Variants in ANAPC10 observed in about 807,000 individuals in gnomAD.
ANAPC10 encodes the protein anaphase promoting complex subunit 10, also known as anaphase-promoting complex subunit 10.
Under a neutral mutation model 22.0 loss-of-function variants are expected in ANAPC10, and 12 were observed. That is an observed-to-expected ratio of 0.55 (90% CI 0.35 to 0.88). The LOEUF (loss-of-function observed/expected upper bound fraction) is 0.88. Among genes scored for constraint, ANAPC10 ranks in the 40% least tolerant of loss-of-function variants. The probability of loss-of-function intolerance (pLI) is 0.01; values close to 1 mark genes in which losing one functional copy is unlikely to be tolerated. For missense variants in ANAPC10, 188 were observed against 220.9 expected (o/e 0.85, Z 0.94); for synonymous variants, 65 against 69.5 (o/e 0.94, Z 0.32).
intron 4 of ANAPC10, among the ~76,000 whole-genome samples, chr4:145,029,522 G>T (rs1737235774): frequency 6.6e-6 from 1 of 152,126 alleles, no homozygotes; most frequent in Non-Finnish European, 1.5e-5. Context: ...GCATGGGAAT[G>T]GATATTAAAG....
chr4:145,006,652 T>A (rs1229801216), intron 4 of ANAPC10, among the ~76,000 whole-genome samples: 1 of 152,190 alleles, frequency 6.6e-6, no homozygotes, highest in Non-Finnish European at 1.5e-5. Context: ...TTTATTTCTG[T>A]ATAATTGTTA....
chr4:145,085,560 A>T (rs928435505), intron 2 of ANAPC10, among the ~76,000 whole-genome samples: 3 of 152,244 alleles, frequency 2.0e-5, no homozygotes, highest in Admixed American at 1.3e-4. Flanking sequence ...TGCAAAAAAA[A>T]AATTAAACAC....
intron 4 of ANAPC10, among the ~76,000 whole-genome samples, chr4:144,999,997 C>A (rs1000440165): frequency 6.6e-6 from 1 of 152,134 alleles, no homozygotes; most frequent in African/African-American, 2.4e-5. Context: ...ACTGGCTAGC[C>A]ATATGGAGAA....
At chr4:145,042,046 C>T (rs1413411641) in intron 4 of ANAPC10, among the ~76,000 whole-genome samples, 2 of 152,066 alleles carry the variant, frequency 1.3e-5, no homozygotes, top group African/African-American at 2.4e-5. Context: ...ATCACAACAT[C>T]CATTTTACCA....
At chr4:145,043,713 A>G (rs1329280405) in intron 4 of ANAPC10, among the ~76,000 whole-genome samples, 1 of 152,160 alleles carries the variant, frequency 6.6e-6, no homozygotes, top group African/African-American at 2.4e-5. Context: ...TCTTTTACAA[A>G]AAGAAAATGC....
At chr4:145,081,603 T>C (rs1746021385) in intron 3 of ANAPC10, 57 bp downstream of exon 3, 1 of 1,078,526 alleles carries the variant, frequency 9.3e-7, no homozygotes, top group Non-Finnish European at 1.4e-6. Context: ...GTTAATAAAA[T>C]AGATTTATTT....
At chr4:145,039,101 C>A (rs566683559) in intron 4 of ANAPC10, among the ~76,000 whole-genome samples, 2 of 130,134 alleles carry the variant, frequency 1.5e-5, no homozygotes, top group Non-Finnish European at 3.2e-5. Context: ...CTTCTGATGA[C>A]GAGACATCAC....
chr4:145,071,066 T>C (rs1268612760), intron 3 of ANAPC10, among the ~76,000 whole-genome samples: 3 of 152,192 alleles, frequency 2.0e-5, no homozygotes, highest in Admixed American at 6.5e-5. Flanking sequence ...GAGGTGGTAG[T>C]GGTTGCACAA....
In ANAPC10 at chr4:144,997,132, G is replaced by A. The variant is rs552219213; in HGVS notation, c.328-1529C>T. ...TCTGATTGGTATACCTGAAAGTGAC[G>A]GCCAGAATGGAACCAAGGTGGAAAT... On this transcript the variant is annotated intron_variant, in intron 4 of 4. Transcript: ENST00000507656. Among the ~76,000 whole-genome samples, 13 of 152,254 alleles carry A rather than the reference G, an allele frequency of 8.5e-5. 1 individual carries two copies. The highest frequency in any genetic ancestry group is 2.1e-4 in the South Asian group (1 of 4,826).
chr4:145,083,271 T>C (rs1746357356), intron 2 of ANAPC10, among the ~76,000 whole-genome samples: 1 of 152,170 alleles, frequency 6.6e-6, no homozygotes, highest in South Asian at 2.1e-4. Context: ...CATAAACAGC[T>C]TCCATATTTT....
rs1185408727 is a variant in ANAPC10, at chr4:145,081,901, G to A, written c.116-151C>T. On this transcript the variant is annotated intron_variant, in intron 2 of 4. Coordinates refer to ENST00000507656, the MANE Select transcript of ANAPC10 (RefSeq NM_001256706.2). ...TTTTTTATTTATTTTTTGTAGACAG[G>A]GTCTTGCTGTGTTGCCCAGGCTGGC... The A allele has an allele frequency of 1.1e-5, 7 of 642,692 alleles. No homozygotes were observed. In the East Asian group the frequency reaches 2.2e-4, roughly 20 times the overall value. 39.8% of individuals were successfully genotyped at this position (642,692 alleles called of 1,614,324 possible).
chr4:145,005,092 C>A (rs1374329982), intron 4 of ANAPC10, among the ~76,000 whole-genome samples: 1 of 151,966 alleles, frequency 6.6e-6, no homozygotes, highest in Non-Finnish European at 1.5e-5. Flanking sequence ...AGAATGTATC[C>A]ATTTCTTTTT....
chr4:145,063,006 T>C (rs986625842), intron 4 of ANAPC10, among the ~76,000 whole-genome samples: 2 of 152,132 alleles, frequency 1.3e-5, no homozygotes, highest in Non-Finnish European at 2.9e-5. Context: ...TTCTAGGGGC[T>C]ATAATGGAAG....
At chr4:145,029,355 C>G (rs1309557277) in intron 4 of ANAPC10, among the ~76,000 whole-genome samples, 1 of 152,090 alleles carries the variant, frequency 6.6e-6, no homozygotes, top group East Asian at 1.9e-4. Flanking sequence ...AGGAGCCACC[C>G]CCGACACCCT....
Position 145,081,763 on chromosome 4 carries a change from A to C in ANAPC10, c.116-13T>G. ...TCCACTCCAAATCCTAAAAACACCA[A>C]AAGTGTCAATAAATCCCTGTGAAAA... On this transcript the variant is annotated splice_polypyrimidine_tract_variant and intron_variant, in intron 2 of 4. Coordinates refer to ENST00000507656, the MANE Select transcript of ANAPC10 (RefSeq NM_001256706.2). 6.3e-7 allele frequency: 1 copy of C among 1,584,034 alleles called. No individual in the cohort carries two copies. The highest frequency in any genetic ancestry group is 8.7e-7 in the Non-Finnish European group (1 of 1,155,434).
At chr4:145,064,398 A>G in intron 4 of ANAPC10, 174 bp downstream of exon 4, 1 of 433,778 alleles carries the variant, frequency 2.3e-6, no homozygotes, top group Non-Finnish European at 3.9e-6. Flanking sequence ...TGGAAAAAAT[A>G]AAGAGAACAA....
At position 144,995,469 on chromosome 4, in the gene ANAPC10, T is replaced by A. The variant is rs765283242; in HGVS notation, c.462A>T (p.Arg154Ser). ...CTACTGGTGTGTATATTTTAATTTGTCTCATATGGGTGTCTCTTCCATTCT... is the reference window on the plus strand; with the variant it reads ...CTACTGGTGTGTATATTTTAATTTGACTCATATGGGTGTCTCTTCCATTCT... ...NHQNGRDTHM[R>S]QIKIYTPVEE... is the part of the protein sequence containing the mutation. Residue 154 changes from arginine to serine, a missense_variant, in exon 5 of 5, where the codon AGA (arginine) becomes AGT (serine). Transcript: ENST00000507656. 6.2e-7 allele frequency: 1 copy of A among 1,613,848 alleles called. No individual in the cohort carries two copies. Among genetic ancestry groups the A allele is most frequent in the Non-Finnish European group, 8.5e-7 (1 of 1,179,812 alleles).
intron 4 of ANAPC10, among the ~76,000 whole-genome samples, chr4:145,016,805 G>A (rs1735238057): frequency 6.6e-6 from 1 of 152,124 alleles, no homozygotes; most frequent in Admixed American, 6.6e-5. Flanking sequence ...AGAGCCCTCA[G>A]AAATAATACC....
chr4:145,025,340 C>A (rs555429019), intron 4 of ANAPC10, among the ~76,000 whole-genome samples: 28 of 150,282 alleles, frequency 1.9e-4, no homozygotes, highest in Non-Finnish European at 3.0e-4. Flanking sequence ...ACGCCCCCCC[C>A]CCCTTTTAAG....
Sources: gnomAD v4.1 joint callset for allele counts (sites outside exome capture counted in the v4.1 genomes callset) on GRCh38, gnomAD v4.1.1 for gene constraint, MANE v1.5 for transcripts, NCBI Gene and HGNC (gene_info 2026-07-23, HGNC 2026-07-21) for gene names.